The following WDR7 variants were observed in gnomAD, a reference collection of about 807,000 sequenced individuals.
WDR7 encodes WD repeat-containing protein 7.
A neutral mutation model predicts 169.4 loss-of-function variants in WDR7; 46 were observed. That is an observed-to-expected ratio of 0.27 (90% confidence interval 0.21 to 0.35). The LOEUF is 0.35. WDR7 is among the 10% of genes least tolerant of loss of function. The pLI, the probability that WDR7 is intolerant of heterozygous loss-of-function variation, is 1.00. For missense variants in WDR7, 1,534 were observed against 1,859.3 expected (o/e 0.83, Z 3.22); for synonymous variants, 612 against 666.8 (o/e 0.92, Z 1.27).
rs531763161 is a variant in WDR7 at position 56,903,630 on chromosome 18, G to A, written c.3527-20292G>A. Among the ~76,000 whole-genome samples, 3 of 152,114 alleles carry A rather than the reference G, an allele frequency of 2.0e-5. No homozygotes were observed. In the East Asian group the frequency reaches 5.8e-4, roughly 29 times the overall value. ...AGACAGGGTTTCACCATGTTGGCCAGGCTGGTCTTGAACTCCTGACCTCAA... is the reference window on the plus strand; with the variant it reads ...AGACAGGGTTTCACCATGTTGGCCAAGCTGGTCTTGAACTCCTGACCTCAA... On this transcript the variant is annotated intron_variant, in intron 21 of 27. Transcript: ENST00000254442.
chr18:56,740,944 T>C (rs1298860650), intron 14 of WDR7, among the ~76,000 whole-genome samples: 1 of 152,214 alleles, frequency 6.6e-6, no homozygotes, highest in Non-Finnish European at 1.5e-5. Flanking sequence ...AAAAGCTCTG[T>C]TGCTTTCTGT....
Position 56,781,656 on chromosome 18 carries a change from C to G in WDR7, c.3190C>G (p.Pro1064Ala). 6.3e-7 allele frequency: 1 copy of G among 1,589,996 alleles called. No individual in the cohort carries two copies. Among genetic ancestry groups the G allele is most frequent in the Non-Finnish European group, 8.6e-7 (1 of 1,167,820 alleles). Residue 1064 changes from proline to alanine, a missense_variant and splice_region_variant, in exon 19 of 28, where the codon CCT (proline) becomes GCT (alanine). Coordinates refer to ENST00000254442, the MANE Select transcript of WDR7 (RefSeq NM_015285.3). ...TCAGTACATAGACCACGTCATATCA[C>G]GTAAGAGTTCTCATGCTTCTCTACA... is the stretch of plus-strand genomic sequence containing the variant. ...LPQYIDHVIS[P>A]GVTSEAAQTI...
intron 26 of WDR7, among the ~76,000 whole-genome samples, chr18:56,967,185 T>TAGGCCACCC (rs1196595574): frequency 1.5e-4 from 23 of 152,190 alleles, no homozygotes; most frequent in African/African-American, 5.3e-4. Context: ...TAGGGAGCGC[T>TAGGCCACCC]TGGGTGGAAA....
intron 12 of WDR7, among the ~76,000 whole-genome samples, chr18:56,704,921 A>G (rs755995442): frequency 9.9e-5 from 15 of 152,226 alleles, no homozygotes; most frequent in South Asian, 2.1e-4. Context: ...GAGAGAAAGT[A>G]TTACACAACA....
At chr18:56,688,668 G>A (rs1317225675) in intron 7 of WDR7, among the ~76,000 whole-genome samples, 1 of 151,828 alleles carries the variant, frequency 6.6e-6, no homozygotes, top group African/African-American at 2.4e-5. Context: ...GGCAGAGGTT[G>A]CAGTGAGCCG....
rs568594695 is a variant in WDR7, at chr18:56,817,312, C to T, written c.3304+1168C>T. On this transcript the variant is annotated intron_variant, in intron 20 of 27. Transcript: ENST00000254442. ...TGAGCCGAGATTGCACCTCTGCGCT[C>T]CAGCCTAGGCAACAGAGTGAGACTC... Among the ~76,000 whole-genome samples, 8 of 150,556 alleles carry T rather than the reference C, an allele frequency of 5.3e-5. No homozygotes were observed. In the East Asian group the frequency reaches 1.4e-3, roughly 26 times the overall value.
chr18:56,850,687 A>T (rs2045627828), intron 20 of WDR7, among the ~76,000 whole-genome samples: 1 of 151,756 alleles, frequency 6.6e-6, no homozygotes, highest in African/African-American at 2.4e-5. Context: ...CTTTTTTATT[A>T]TTGTTTATAG....
intron 11 of WDR7, 133 bp downstream of exon 11, chr18:56,695,331 G>C: frequency 8.7e-7 from 1 of 1,144,054 alleles, no homozygotes; most frequent in African/African-American, 1.6e-5. Context: ...TATGTAGTTG[G>C]TAGAGTTTAA....
chr18:56,815,966 A>G (rs1422348998), intron 19 of WDR7, 65 bp from the exon 20 acceptor site: 1 of 1,355,650 alleles, frequency 7.4e-7, no homozygotes, highest in East Asian at 2.5e-5. Context: ...AAAAATCTTC[A>G]AACTTTCTGT....
intron 20 of WDR7, among the ~76,000 whole-genome samples, chr18:56,861,944 T>C (rs938486268): frequency 6.6e-6 from 1 of 152,062 alleles, no homozygotes; most frequent in African/African-American, 2.4e-5. Context: ...AAAATTTCAG[T>C]GATTCTTGTA....
chr18:56,724,789 A>G (rs568657894), intron 13 of WDR7, among the ~76,000 whole-genome samples: 1 of 152,038 alleles, frequency 6.6e-6, no homozygotes, highest in East Asian at 1.9e-4. Flanking sequence ...TCCTAATGCT[A>G]TCCCTCCCCC....
At chr18:56,892,846 T>C (rs2046282484) in intron 21 of WDR7, among the ~76,000 whole-genome samples, 1 of 151,314 alleles carries the variant, frequency 6.6e-6, no homozygotes. Context: ...AACATTTAGA[T>C]AGTTTTAGTT....
At chr18:56,726,977 C>T (rs1158020339) in intron 13 of WDR7, among the ~76,000 whole-genome samples, 1 of 152,144 alleles carries the variant, frequency 6.6e-6, no homozygotes, top group Non-Finnish European at 1.5e-5. Context: ...GGAGGACCTT[C>T]TGCAGGTTTC....
At chr18:56,835,190 A>G (rs976582207) in intron 20 of WDR7, among the ~76,000 whole-genome samples, 4 of 152,246 alleles carry the variant, frequency 2.6e-5, no homozygotes, top group Non-Finnish European at 5.9e-5. Flanking sequence ...GTGAGAGTAG[A>G]ATAGAGACAT....
intron 22 of WDR7, among the ~76,000 whole-genome samples, chr18:56,934,695 T>C (rs560727292): frequency 1.6e-4 from 25 of 152,276 alleles, no homozygotes; most frequent in Middle Eastern, 3.4e-3. Context: ...CAGCTACAAG[T>C]TAAAATAATG....
At chr18:56,727,880 T>A (rs527604570) in intron 13 of WDR7, among the ~76,000 whole-genome samples, 9 of 152,198 alleles carry the variant, frequency 5.9e-5, no homozygotes, top group Non-Finnish European at 1.3e-4. Context: ...TTATTCCAAC[T>A]TTTCCAGTTG....
At chr18:56,688,392 T>G (rs2025488201) in intron 7 of WDR7, among the ~76,000 whole-genome samples, 1 of 152,008 alleles carries the variant, frequency 6.6e-6, no homozygotes. Flanking sequence ...GTTTCTTCCT[T>G]TGTGTTAAAA....
At chr18:56,922,995 G>A (rs1047708015) in intron 21 of WDR7, among the ~76,000 whole-genome samples, 2 of 152,102 alleles carry the variant, frequency 1.3e-5, no homozygotes, top group African/African-American at 2.4e-5. Flanking sequence ...GCCTGCCCCC[G>A]ATAAGTTATG....
intron 14 of WDR7, among the ~76,000 whole-genome samples, chr18:56,748,857 A>G (rs1229888066): frequency 6.6e-6 from 1 of 152,266 alleles, no homozygotes; most frequent in East Asian, 1.9e-4. Context: ...GCAAAACAAC[A>G]GCAGAGGGCA....
Sources: gnomAD v4.1 joint callset for allele counts (sites outside exome capture counted in the v4.1 genomes callset) on GRCh38, gnomAD v4.1.1 for gene constraint, MANE v1.5 for transcripts, NCBI Gene and HGNC (gene_info 2026-07-23, HGNC 2026-07-21) for gene names.